Variants in KNTC1 observed in about 807,000 individuals in gnomAD.
KNTC1 encodes the protein kinetochore-associated protein 1.
Under a neutral mutation model 314.4 loss-of-function variants are expected in KNTC1, and 253 were observed. That is an observed-to-expected ratio of 0.80 (90% confidence interval 0.73 to 0.89). The LOEUF (loss-of-function observed/expected upper bound fraction) is 0.89, where lower values mean the gene tolerates loss of function less well. Ranked by LOEUF, KNTC1 falls within the 40% of genes least tolerant of loss-of-function variation. The pLI, the probability that KNTC1 is intolerant of heterozygous loss-of-function variation, is 0.00. For missense variants in KNTC1, 2,475 were observed against 2,572.9 expected (o/e 0.96, Z 0.82); for synonymous variants, 901 against 901.4 (o/e 1.00, Z 0.01).
Position 122,590,677 on chromosome 12 carries a change from T to G in KNTC1, c.4070T>G (p.Val1357Gly), listed in dbSNP as rs779078149. 5 of 1,613,730 alleles carry G rather than the reference T, an allele frequency of 3.1e-6. No homozygotes were observed. In the East Asian group the frequency reaches 1.1e-4, roughly 36 times the overall value. ...GYCTLLPQKD[V>G]FENLWKLIDK... ...TGCACTCTCTTACCTCAAAAAGATG[T>G]GTTTGAAAATCTCTGGAAGCTCATA... Residue 1357 changes from valine (V) to glycine (G), a missense_variant, in exon 41 of 64, where the codon GTG (valine) becomes GGG (glycine). By Grantham distance (109) the Val-to-Gly change is moderately radical. Coordinates refer to ENST00000333479, the MANE Select transcript of KNTC1 (RefSeq NM_014708.6).
Position 122,530,088 on chromosome 12 carries a change from A to T in KNTC1, c.25A>T (p.Thr9Ser), listed in dbSNP as rs1335724258. The change falls in exon 2 of 64, where the codon ACA (threonine) becomes TCA (serine). Residue 9 changes from threonine to serine, a missense_variant. Transcript: ENST00000333479. ...CATGTGGAATGATATTGAGCTGCTA[A>T]CAAATGATGATACCGGAAGTGGGTA... The part of the protein sequence containing the change: MWNDIELL[T>S]NDDTGSGYLS... The T allele has an allele frequency of 6.2e-7, 1 of 1,613,854 alleles. No homozygotes were observed. The highest frequency in any genetic ancestry group is 1.1e-5 in the South Asian group (1 of 91,066).
chr12:122,607,981 T>C (rs1872721055), intron 51 of KNTC1, among the ~76,000 whole-genome samples: 1 of 152,196 alleles, frequency 6.6e-6, no homozygotes, highest in Non-Finnish European at 1.5e-5. Flanking sequence ...CAAATCCAGA[T>C]CTTCTGTATC....
chr12:122,624,877 A>C, intron 63 of KNTC1, 189 bp downstream of exon 63: 1 of 561,364 alleles, frequency 1.8e-6, no homozygotes, highest in Non-Finnish European at 3.3e-6. Flanking sequence ...TTCTAATCTC[A>C]GCCCTGCCAC....
intron 54 of KNTC1, 63 bp from the exon 55 acceptor site, chr12:122,613,562 GT>G: frequency 6.9e-7 from 1 of 1,452,628 alleles, no homozygotes. Flanking sequence ...CCATATGGTA[GT>G]TTTTATTTTA....
chr12:122,608,265 C>G (rs985571640), intron 51 of KNTC1, among the ~76,000 whole-genome samples: 4 of 151,970 alleles, frequency 2.6e-5, no homozygotes, highest in African/African-American at 9.7e-5. Flanking sequence ...GTCCCAGCTA[C>G]TTTTAAAAAA....
intron 48 of KNTC1, 114 bp downstream of exon 48, chr12:122,603,357 T>A: frequency 1.3e-6 from 1 of 797,694 alleles, no homozygotes; most frequent in Non-Finnish European, 1.9e-6. Context: ...CTCTCTTAAC[T>A]GTGGTGAATG....
chr12:122,553,709 T>C lies in KNTC1; in HGVS notation c.1272+2013T>C, dbSNP rs538878463. ...ATCTGAGGATGTGATGTGGGGGCAATAGCATATCAGGGATGGAGGAGGAAG... is the reference window on the plus strand; with the variant it reads ...ATCTGAGGATGTGATGTGGGGGCAACAGCATATCAGGGATGGAGGAGGAAG... On this transcript the variant is annotated intron_variant, in intron 16 of 63. Transcript: ENST00000333479. 6.5e-4 allele frequency among the ~76,000 whole-genome samples: 99 copies of C among 151,890 alleles called. 1 individual carries two copies. Among genetic ancestry groups the C allele is most frequent in the African/African-American group, 2.3e-3 (97 of 41,438 alleles).
chr12:122,568,311 T>C lies in KNTC1; in HGVS notation c.1655T>C (p.Ile552Thr). The change falls in exon 21 of 64, where the codon ATT becomes ACT. Residue 552 changes from isoleucine to threonine, a missense_variant. By Grantham distance (89) the Ile-to-Thr change is moderately conservative. Transcript: ENST00000333479. ...FLNNEDDLKDIFLQLKEGNLV... is the reference protein window; with the variant it reads ...FLNNEDDLKDTFLQLKEGNLV... ...AATAATGAAGATGATCTTAAAGATA[T>C]TTTTTTACAGCTAAAAGAAGGAAAC... The C allele has an allele frequency of 1.3e-6, 2 of 1,592,854 alleles. No individual in the cohort carries two copies. The highest frequency in any genetic ancestry group is 1.7e-5 in the Admixed American group (1 of 59,672).
At chr12:122,610,942 A>C in intron 53 of KNTC1, 42 bp downstream of exon 53, 15 of 1,412,028 alleles carry the variant, frequency 1.1e-5, no homozygotes, top group Non-Finnish European at 1.3e-5. Context: ...TGTGCATCTC[A>C]GCTTAACATT....
At chr12:122,603,712 C>T (rs538524625) in intron 48 of KNTC1, among the ~76,000 whole-genome samples, 6 of 152,158 alleles carry the variant, frequency 3.9e-5, no homozygotes, top group East Asian at 1.9e-4. Flanking sequence ...AGGATGATCT[C>T]GATCTCTTGA....
chr12:122,577,618 A>G, intron 30 of KNTC1, 54 bp from the exon 31 acceptor site: 1 of 1,560,712 alleles, frequency 6.4e-7, no homozygotes. Flanking sequence ...GTAAGGCCAC[A>G]CCGTCCTTTG....
At chr12:122,589,467 T>C (rs932214275) in intron 40 of KNTC1, among the ~76,000 whole-genome samples, 1 of 134,370 alleles carries the variant, frequency 7.4e-6, no homozygotes, top group Non-Finnish European at 1.5e-5. Flanking sequence ...TTTAAAAAAA[T>C]TGTGTTTTTT....
At chr12:122,544,537 A>G (rs1962616912) in intron 8 of KNTC1, among the ~76,000 whole-genome samples, 1 of 152,222 alleles carries the variant, frequency 6.6e-6, no homozygotes, top group East Asian at 1.9e-4. Context: ...AAACCAAAAA[A>G]TTCCATTGTT....
At position 122,604,642 on chromosome 12, in the gene KNTC1, G is replaced by A; in HGVS notation, c.5175+5G>A. On this transcript the variant is annotated splice_donor_5th_base_variant and intron_variant, in intron 49 of 63. Coordinates refer to ENST00000333479, the MANE Select transcript of KNTC1 (RefSeq NM_014708.6). ...CTACAGAATATCCCATCGCAGGTGT[G>A]TCTGAACTATCAGATTGGCGGCTTC... is the stretch of plus-strand genomic sequence containing the variant. 6.3e-7 allele frequency: 1 copy of A among 1,578,186 alleles called. No individual in the cohort carries two copies. Among genetic ancestry groups the A allele is most frequent in the Non-Finnish European group, 8.7e-7 (1 of 1,149,314 alleles).
chr12:122,609,210 A>T, intron 51 of KNTC1, 174 bp from the exon 52 acceptor site: 1 of 589,314 alleles, frequency 1.7e-6, no homozygotes, highest in Non-Finnish European at 3.0e-6. Context: ...GTAAACAAAT[A>T]TGAGTAGACC....
In KNTC1 at chr12:122,570,943, T is replaced by C. The variant is rs1380644190; in HGVS notation, c.1917+11T>C. 3.2e-6 allele frequency: 5 copies of C among 1,583,282 alleles called. No homozygotes were observed. Among genetic ancestry groups the C allele is most frequent in the East Asian group, 2.3e-5 (1 of 44,268 alleles). On this transcript the variant is annotated intron_variant, in intron 23 of 63. Coordinates refer to ENST00000333479, the MANE Select transcript of KNTC1 (RefSeq NM_014708.6). ...GAATTAACTGATAAGGTAATACTGA[T>C]TTAATTAACAGTAAAAAGACATTTT...
chr12:122,535,712 A>C (rs1593478249), intron 3 of KNTC1, among the ~76,000 whole-genome samples: 1 of 151,662 alleles, frequency 6.6e-6, no homozygotes, highest in Non-Finnish European at 1.5e-5. Context: ...GCTACTCAGG[A>C]GTCTGAGGCA....
In KNTC1 at chr12:122,530,259, C is replaced by T. The variant is rs1455860851; in HGVS notation, c.129+67C>T. 7.3e-6 allele frequency: 10 copies of T among 1,374,282 alleles called. No individual in the cohort carries two copies. In the Middle Eastern group the frequency reaches 5.5e-4, roughly 76 times the overall value. 85.1% of individuals were successfully genotyped at this position (1,374,282 alleles called of 1,614,324 possible). A position where few individuals can be genotyped will look rare whatever the true frequency, so the allele number is the denominator to read the frequency against. On this transcript the variant is annotated intron_variant, in intron 2 of 63. Coordinates refer to ENST00000333479, the MANE Select transcript of KNTC1 (RefSeq NM_014708.6). ...ACTGAGTGCTTAGTAGGGCTAGTGG[C>T]CCACAGTAAATATTTTGTGAATGAA...
chr12:122,569,197 G>A (rs1450623639), intron 21 of KNTC1, among the ~76,000 whole-genome samples: 2 of 152,112 alleles, frequency 1.3e-5, no homozygotes, highest in African/African-American at 4.8e-5. Context: ...AGCTCTAAAG[G>A]CAACATGTTA....
Sources: allele counts gnomAD v4.1 joint callset (sites outside exome capture counted in the v4.1 genomes callset), GRCh38; gene constraint gnomAD v4.1.1; transcripts MANE v1.5; gene names NCBI Gene and HGNC (gene_info 2026-07-23, HGNC 2026-07-21).